TAFA5: variants seen among roughly 807,000 people sequenced by gnomAD.
TAFA5 encodes chemokine-like protein TAFA-5.
In TAFA5, 6 loss-of-function variants were observed where a neutral mutation model predicts 15.3. The observed-to-expected ratio is 0.39, with a 90% CI of 0.21 to 0.77. TAFA5 has a LOEUF of 0.77. TAFA5 is among the 30% of genes least tolerant of loss of function. The probability of loss-of-function intolerance (pLI) is 0.41; values close to 1 mark genes in which losing one functional copy is unlikely to be tolerated. For synonymous variants in TAFA5, 103 were observed against 80.7 expected (o/e 1.28, Z -1.48); for missense variants, 161 against 193.1 (o/e 0.83, Z 0.98).
At chr22:48,710,593 T>G (rs1175782265) in intron 3 of TAFA5, among the ~76,000 whole-genome samples, 6 of 152,200 alleles carry the variant, frequency 3.9e-5, no homozygotes, top group Non-Finnish European at 1.5e-5. Flanking sequence ...GGCTTCTGTG[T>G]GTGCAGAGAC....
chr22:48,750,108 GCCGCGCCCAGC>G lies in TAFA5; in HGVS notation c.*264_*274del. On this transcript the variant is annotated 3_prime_UTR_variant, in exon 4 of 4. Transcript: ENST00000402357. Reference sequence around the variant, plus strand: ...GCAATACGCAGTCTGTGGGAGCCCGGCCGCGCCCAGCCCCCGCCGACCGTGGCGTTGGCCCT... The same window carrying G: ...GCAATACGCAGTCTGTGGGAGCCCGGCCCCGCCGACCGTGGCGTTGGCCCT... 1 of 535,758 alleles carries G rather than the reference GCCGCGCCCAGC, an allele frequency of 1.9e-6. No homozygotes were observed. Among genetic ancestry groups the G allele is most frequent in the Non-Finnish European group, 3.3e-6 (1 of 300,710 alleles). The allele number at this position is 535,758 out of a possible 1,614,324, so 33.2% of individuals were successfully genotyped here. A position where few individuals can be genotyped will look rare whatever the true frequency, so the allele number is the denominator to read the frequency against.
At position 48,588,722 on chromosome 22, in the gene TAFA5, G is replaced by C. The variant is rs1924451032; in HGVS notation, c.113-57875G>C. On this transcript the variant is annotated intron_variant, in intron 1 of 3. Coordinates refer to ENST00000402357, the MANE Select transcript of TAFA5 (RefSeq NM_001082967.3). ...CCCGGTTGGGGCAGGGCAGGGCCTGGAGGTTCTAGAAGGCCCTTGGTTCAG... is the reference window on the plus strand; with the variant it reads ...CCCGGTTGGGGCAGGGCAGGGCCTGCAGGTTCTAGAAGGCCCTTGGTTCAG... 3.3e-5 allele frequency among the ~76,000 whole-genome samples: 5 copies of C among 152,286 alleles called. No homozygotes were observed. The South Asian group carries it at 1.0e-3, about 32-fold the overall frequency.
intron 1 of TAFA5, among the ~76,000 whole-genome samples, chr22:48,628,161 G>A (rs945384566): frequency 6.6e-5 from 10 of 152,180 alleles, no homozygotes; most frequent in East Asian, 5.8e-4. Context: ...GGGAGGTGAC[G>A]CAGCTGGCAG....
chr22:48,725,876 A>G (rs968327382), intron 3 of TAFA5, among the ~76,000 whole-genome samples: 1 of 152,226 alleles, frequency 6.6e-6, no homozygotes, highest in Non-Finnish European at 1.5e-5. Flanking sequence ...ATCACATTAG[A>G]GTGAAAACCA....
rs971574048 is a variant in TAFA5 at position 48,490,049 on chromosome 22, G to A, written c.112+345G>A. ...TCCCGGCCGAGATGCGCGCTCAGGA[G>A]GCAGCCGCAGGTCGCGGAGGGCGGG... On this transcript the variant is annotated intron_variant, in intron 1 of 3. Transcript: ENST00000402357. This position sits in a 1 kb window ranked among gnomAD's most constrained non-coding sequence, Gnocchi z 5.8. Among the ~76,000 whole-genome samples, 5 of 152,014 alleles carry A rather than the reference G, an allele frequency of 3.3e-5. No individual in the cohort carries two copies. The highest frequency in any genetic ancestry group is 5.9e-5 in the Non-Finnish European group (4 of 67,964).
intron 1 of TAFA5, among the ~76,000 whole-genome samples, chr22:48,596,877 C>T (rs866562382): frequency 6.6e-6 from 1 of 152,212 alleles, no homozygotes; most frequent in Non-Finnish European, 1.5e-5. Flanking sequence ...GGTGCGACCT[C>T]AGCTCACTGC....
chr22:48,569,145 T>A (rs904388706), intron 1 of TAFA5, among the ~76,000 whole-genome samples: 11 of 152,096 alleles, frequency 7.2e-5, no homozygotes, highest in Non-Finnish European at 1.2e-4. Flanking sequence ...CTCTGTGGGA[T>A]GGGGACAGCT....
chr22:48,533,631 C>T (rs1177746096), intron 1 of TAFA5, among the ~76,000 whole-genome samples: 2 of 152,192 alleles, frequency 1.3e-5, no homozygotes, highest in South Asian at 2.1e-4. Context: ...GTAGAAAGAT[C>T]TGGAAGGGAA....
At chr22:48,654,569 C>A (rs533024692) in intron 2 of TAFA5, among the ~76,000 whole-genome samples, 3 of 152,250 alleles carry the variant, frequency 2.0e-5, no homozygotes, top group Non-Finnish European at 2.9e-5. Flanking sequence ...TGCCCAGGCA[C>A]GTCCCATCCC....
chr22:48,669,970 C>T (rs1927749465), intron 2 of TAFA5, among the ~76,000 whole-genome samples: 1 of 152,264 alleles, frequency 6.6e-6, no homozygotes, highest in African/African-American at 2.4e-5. Flanking sequence ...ACTGTGACCT[C>T]TCCGGGTCCC....
At chr22:48,588,862 T>C (rs1172770213) in intron 1 of TAFA5, among the ~76,000 whole-genome samples, 3 of 152,122 alleles carry the variant, frequency 2.0e-5, no homozygotes, top group African/African-American at 4.8e-5. Context: ...CCCCCCGTGA[T>C]CTTCCCTGGG....
At chr22:48,584,831 A>T (rs555485464) in intron 1 of TAFA5, among the ~76,000 whole-genome samples, 4 of 150,838 alleles carry the variant, frequency 2.7e-5, no homozygotes, top group Non-Finnish European at 5.9e-5. Context: ...ATACACACGT[A>T]TACAACACAC....
chr22:48,711,442 G>A (rs952948810), intron 3 of TAFA5, among the ~76,000 whole-genome samples: 5 of 152,160 alleles, frequency 3.3e-5, no homozygotes, highest in East Asian at 1.9e-4. Context: ...CAGGTATCTC[G>A]GGAGAAGTCT....
chr22:48,751,444 A>G lies in TAFA5; in HGVS notation c.*1597A>G, dbSNP rs972783772. The G allele has an allele frequency of 1.3e-5, 2 of 152,456 alleles. No individual in the cohort carries two copies. Among genetic ancestry groups the G allele is most frequent in the Non-Finnish European group, 2.9e-5 (2 of 68,028 alleles). 9.4% of individuals were successfully genotyped at this position (152,456 alleles called of 1,614,324 possible). ...GTTCCCGCTGAAGTATATACTACCTATGAGTCCAATTAACATGAGTATTAT... is the reference window on the plus strand; with the variant it reads ...GTTCCCGCTGAAGTATATACTACCTGTGAGTCCAATTAACATGAGTATTAT... On this transcript the variant is annotated 3_prime_UTR_variant, in exon 4 of 4. Transcript: ENST00000402357.
intron 2 of TAFA5, among the ~76,000 whole-genome samples, chr22:48,674,523 T>C (rs1478893246): frequency 6.6e-6 from 1 of 152,142 alleles, no homozygotes; most frequent in African/African-American, 2.4e-5. Context: ...CTCGGTGTTA[T>C]TGATTGAATC....
chr22:48,735,402 C>T (rs1299694197), intron 3 of TAFA5, among the ~76,000 whole-genome samples: 2 of 152,170 alleles, frequency 1.3e-5, no homozygotes, highest in Admixed American at 6.5e-5. Flanking sequence ...GGAAGATGGG[C>T]AAAGTCCGCA....
chr22:48,669,716 G>A (rs879260973), intron 2 of TAFA5, among the ~76,000 whole-genome samples: 2 of 152,170 alleles, frequency 1.3e-5, no homozygotes, highest in Non-Finnish European at 2.9e-5. Context: ...AGGGGCCATG[G>A]GAGGAGCCCC....
chr22:48,519,406 G>A (rs999524110), intron 1 of TAFA5, among the ~76,000 whole-genome samples: 3 of 152,220 alleles, frequency 2.0e-5, no homozygotes, highest in Non-Finnish European at 2.9e-5. Context: ...ACTCAGAATC[G>A]GAGCGTCCAT....
chr22:48,500,531 C>T (rs1325397993), intron 1 of TAFA5, among the ~76,000 whole-genome samples: 2 of 152,232 alleles, frequency 1.3e-5, no homozygotes, highest in Non-Finnish European at 2.9e-5. Context: ...AGAGCAGCCC[C>T]GATGCTGCTG....
Sources: allele counts gnomAD v4.1 joint callset (sites outside exome capture counted in the v4.1 genomes callset), GRCh38; gene constraint gnomAD v4.1.1; non-coding constraint Gnocchi (gnomAD v3.1); transcripts MANE v1.5; gene names NCBI Gene and HGNC (gene_info 2026-07-23, HGNC 2026-07-21).